Variants in PLAC1 observed in about 807,000 individuals in gnomAD.
PLAC1 encodes placenta-specific protein 1.
For missense variants in PLAC1, 136 were observed against 163.2 expected (o/e 0.83, Z 0.91); for synonymous variants, 68 against 62.1 (o/e 1.09, Z -0.44).
rs192904036 is a variant in PLAC1, at chrX:134,600,162, A to G, written c.-59+1889T>C. ...TGCCTCAGCCTCCTGAGTAGCTCGG[A>G]CTACAGGCATATACCACCATGTCTG... On this transcript the variant is annotated intron_variant, in intron 2 of 2. Coordinates refer to ENST00000359237, the MANE Select transcript of PLAC1 (RefSeq NM_021796.4). Among the ~76,000 whole-genome samples the G allele has an allele frequency of 4.3e-3, 478 of 110,289 alleles. 4 individuals carry two copies. Among genetic ancestry groups the G allele is most frequent in the African/African-American group, 0.015 (457 of 30,290 alleles).
At chrX:134,635,939 G>A (rs2078281506) in intron 1 of PLAC1, among the ~76,000 whole-genome samples, 1 of 112,158 alleles carries the variant, frequency 8.9e-6, no homozygotes, top group African/African-American at 3.2e-5. Flanking sequence ...AAGCTAAGGT[G>A]CTGCCTAAAG....
chrX:134,578,515 C>CTTTTTTTTTT (rs766626696), intron 2 of PLAC1, among the ~76,000 whole-genome samples: 8 of 55,960 alleles, frequency 1.4e-4, no homozygotes, highest in Non-Finnish European at 1.8e-4. Flanking sequence ...TTCTTTCTTT[C>CTTTTTTTTTT]TTTTTTTTTT....
chrX:134,582,152 A>G (rs1264280265), intron 2 of PLAC1, among the ~76,000 whole-genome samples: 1 of 112,429 alleles, frequency 8.9e-6, no homozygotes, highest in African/African-American at 3.2e-5. Context: ...GGAAAATGGA[A>G]AAAGAAACTC....
At position 134,728,617 on chromosome X, in the gene PLAC1, T is replaced by C. The variant is rs183143967; in HGVS notation, n.174+4818A>G. ...AAAGTGAGAGTTTGTTGCTAGGATA[T>C]CTTCACTACAAGAAATGATAAAGGG... On this transcript the variant is annotated intron_variant and non_coding_transcript_variant, in intron 2 of 2. Coordinates refer to the PLAC1 transcript ENST00000466797. 1.2e-4 allele frequency among the ~76,000 whole-genome samples: 14 copies of C among 112,028 alleles called. No homozygotes were observed. The East Asian group carries it at 3.6e-3, about 29-fold the overall frequency.
At chrX:134,718,902 G>A (rs1020452090) in intron 2 of PLAC1, among the ~76,000 whole-genome samples, 9 of 111,471 alleles carry the variant, frequency 8.1e-5, no homozygotes, top group African/African-American at 2.6e-4. Context: ...GTTCAAAAGG[G>A]GCCTGTGAAT....
In PLAC1 at chrX:134,566,676, C is replaced by G. The variant is rs1176212089; in HGVS notation, c.7G>C (p.Val3Leu). The change falls in exon 3 of 3, where the codon GTT (valine) becomes CTT (leucine). Residue 3 changes from valine to leucine, a missense_variant. By Grantham distance (32) the Val-to-Leu change is conservative (BLOSUM62 1). Coordinates refer to ENST00000359237, the MANE Select transcript of PLAC1 (RefSeq NM_021796.4). ...ATCATCAGTCCTATGAACTTAAAAA[C>G]TTTCATCCCTGCAGCCAATCAGATA... is the stretch of plus-strand genomic sequence containing the variant. MK[V>L]FKFIGLMILL... The G allele has an allele frequency of 8.4e-7, 1 of 1,184,548 alleles. No individual in the cohort carries two copies. Among genetic ancestry groups the G allele is most frequent in the South Asian group, 1.8e-5 (1 of 54,662 alleles).
chrX:134,606,375 A>G (rs975252098), intron 1 of PLAC1: 1 of 112,005 alleles, frequency 8.9e-6, no homozygotes, highest in Non-Finnish European at 1.9e-5. Context: ...TGCTTATCAT[A>G]ATGCTTAAAA....
At chrX:134,634,638 G>C (rs1364491886) in intron 1 of PLAC1, among the ~76,000 whole-genome samples, 2 of 111,907 alleles carry the variant, frequency 1.8e-5, no homozygotes, top group Non-Finnish European at 3.8e-5. Context: ...TTTTGTGATG[G>C]CATCTTTCAC....
chrX:134,736,472 G>A lies in PLAC1; in HGVS notation n.90-2953C>T, dbSNP rs886170249. Among the ~76,000 whole-genome samples, 6 of 109,746 alleles carry A rather than the reference G, an allele frequency of 5.5e-5. No homozygotes were observed. In the East Asian group the frequency reaches 1.4e-3, roughly 26 times the overall value. ...CTGCTTAGTGACAGAGCCCCAAACC[G>A]CCCCCACCGCCCCGACTCCTGCTTC... On this transcript the variant is annotated intron_variant and non_coding_transcript_variant, in intron 1 of 2. Coordinates refer to the PLAC1 transcript ENST00000466797.
intron 1 of PLAC1, among the ~76,000 whole-genome samples, chrX:134,655,301 G>A (rs1327579418): frequency 9.6e-6 from 1 of 103,865 alleles, no homozygotes; most frequent in African/African-American, 3.6e-5. Context: ...CATAGTTGCT[G>A]TGTAGTTCTG....
At chrX:134,703,481 T>C (rs980493854) in intron 2 of PLAC1, among the ~76,000 whole-genome samples, 1 of 111,330 alleles carries the variant, frequency 9.0e-6, no homozygotes, top group Non-Finnish European at 1.9e-5. Context: ...TAAAATGAGA[T>C]CTTTTAAACA....
chrX:134,643,757 C>CT (rs1243548519), intron 1 of PLAC1, among the ~76,000 whole-genome samples: 2 of 110,756 alleles, frequency 1.8e-5, no homozygotes, highest in Non-Finnish European at 3.8e-5. Context: ...ATAAAAAGTA[C>CT]TTTCCAGAAA....
At chrX:134,754,758 C>CTTTTTTTTTTTTT (rs760098539) in intron 1 of PLAC1, among the ~76,000 whole-genome samples, 4 of 66,158 alleles carry the variant, frequency 6.0e-5, no homozygotes, top group African/African-American at 1.2e-4. Context: ...ATTTATTGTT[C>CTTTTTTTTTTTTT]TTTTTTTTTT....
chrX:134,678,159 G>A (rs778477336), intron 2 of PLAC1, among the ~76,000 whole-genome samples: 1 of 111,012 alleles, frequency 9.0e-6, no homozygotes, highest in Non-Finnish European at 1.9e-5. Flanking sequence ...ATCAGGTCAT[G>A]TCACTCCCCT....
chrX:134,616,247 G>A (rs955349816), intron 1 of PLAC1, among the ~76,000 whole-genome samples: 3 of 111,496 alleles, frequency 2.7e-5, no homozygotes, highest in African/African-American at 3.3e-5. Context: ...TTCCCAAAGC[G>A]CTGGAGTTAC....
chrX:134,754,610 T>A (rs1305220446), intron 1 of PLAC1, among the ~76,000 whole-genome samples: 1 of 110,595 alleles, frequency 9.0e-6, no homozygotes, highest in Non-Finnish European at 1.9e-5. Context: ...GAAAATTAGA[T>A]GTAATAGAAA....
At chrX:134,680,545 G>GAACTAAACTGAACTAAACTA (rs2078491510) in intron 2 of PLAC1, among the ~76,000 whole-genome samples, 1 of 49,662 alleles carries the variant, frequency 2.0e-5, no homozygotes. Context: ...AAACTAAACT[G>GAACTAAACTGAACTAAACTA]AACTAAACTA....
rs7891073 is a variant in PLAC1 at position 134,579,239 on chromosome X, T to C, written c.-58-12499A>G. On this transcript the variant is annotated intron_variant, in intron 2 of 2. Coordinates refer to ENST00000359237, the MANE Select transcript of PLAC1 (RefSeq NM_021796.4). ...AAGGGCCCCAAAGACAGGCATCACA[T>C]GTTAAAACTGTGGAAACGGGGGTCC... Among the ~76,000 whole-genome samples, 781 of 110,896 alleles carry C rather than the reference T, an allele frequency of 7.0e-3. 4 individuals carry two copies. Among genetic ancestry groups the C allele is most frequent in the African/African-American group, 0.024 (734 of 30,481 alleles).
At chrX:134,703,567 A>G (rs1282866843) in intron 2 of PLAC1, among the ~76,000 whole-genome samples, 1 of 110,780 alleles carries the variant, frequency 9.0e-6, no homozygotes, top group Non-Finnish European at 1.9e-5. Context: ...AGAAAACTGA[A>G]CCTACAATAA....
Sources: allele counts gnomAD v4.1 joint callset (sites outside exome capture counted in the v4.1 genomes callset), GRCh38; gene constraint gnomAD v4.1.1; transcripts MANE v1.5; gene names NCBI Gene and HGNC (gene_info 2026-07-23, HGNC 2026-07-21).